Variants in CAPN1 observed in about 807,000 individuals in gnomAD.
CAPN1 encodes the protein calpain-1 catalytic subunit.
Under a neutral mutation model 105.2 loss-of-function variants are expected in CAPN1, and 77 were observed. The ratio of observed to expected loss-of-function variants is 0.73; its 90% CI spans 0.61 to 0.88. The LOEUF (loss-of-function observed/expected upper bound fraction) is 0.88, where lower values mean the gene tolerates loss of function less well. CAPN1 is among the 40% of genes least tolerant of loss of function. CAPN1 has a pLI of 0.00. For synonymous variants in CAPN1, 355 were observed against 388.8 expected (o/e 0.91, Z 1.02); for missense variants, 833 against 976.6 (o/e 0.85, Z 1.96).
At position 65,185,931 on chromosome 11, in the gene CAPN1, G is replaced by GGA; in HGVS notation, c.473_474dup (p.Trp159SerfsTer18). The GGA allele has an allele frequency of 1.9e-6, 3 of 1,585,164 alleles. No homozygotes were observed. Among genetic ancestry groups the GGA allele is most frequent in the Non-Finnish European group, 2.6e-6 (3 of 1,165,628 alleles). On this transcript the variant is annotated frameshift_variant, in exon 5 of 22. Transcript: ENST00000279247. LOFTEE classifies it high-confidence loss of function. The stretch of plus-strand genomic sequence containing the variant: ...CTCCCCCACAGCTGTGGCAATTTGG[G>GGA]GAGTGGGTGGACGTGGTCGTGGATG...
chr11:65,195,103 T>TTTTTTG (rs1565403890), intron 10 of CAPN1, among the ~76,000 whole-genome samples: 5 of 131,304 alleles, frequency 3.8e-5, no homozygotes, highest in Non-Finnish European at 4.7e-5. Flanking sequence ...TTTTGGGGTT[T>TTTTTTG]TTTTTTTTTT....
intron 10 of CAPN1, among the ~76,000 whole-genome samples, chr11:65,201,222 G>T (rs1240595453): frequency 2.0e-5 from 3 of 151,128 alleles, no homozygotes; most frequent in African/African-American, 7.3e-5. Context: ...GAGATTACAG[G>T]TGTGAGCCAC....
chr11:65,208,017 G>T lies in CAPN1; in HGVS notation c.1606-38G>T. The T allele has an allele frequency of 6.5e-7, 1 of 1,535,628 alleles. No individual in the cohort carries two copies. Among genetic ancestry groups the T allele is most frequent in the African/African-American group, 1.4e-5 (1 of 73,120 alleles). ...AGCTGCCTCCACACGGGCAGGGCCG[G>T]GGCCTCTCTTACCTGCTTTCTCCCC... On this transcript the variant is annotated intron_variant, in intron 14 of 21. Transcript: ENST00000279247. This position sits in a 1 kb window ranked among gnomAD's most constrained non-coding sequence, Gnocchi z 4.1.
chr11:65,192,574 T>G (rs1407671037), intron 10 of CAPN1, among the ~76,000 whole-genome samples: 3 of 152,296 alleles, frequency 2.0e-5, no homozygotes, highest in African/African-American at 7.2e-5. Flanking sequence ...TTGTTCAGAT[T>G]TTCTGTTTCT....
Position 65,209,536 on chromosome 11 carries a change from C to A in CAPN1, c.1794+149C>A. The A allele has an allele frequency of 1.4e-6, 1 of 724,428 alleles. No homozygotes were observed. The allele number at this position is 724,428 out of a possible 1,614,324, so 44.9% of individuals were successfully genotyped here. A position where few individuals can be genotyped will look rare whatever the true frequency, so the allele number is the denominator to read the frequency against. ...CCCCATGCTCAGATGTCTCCCTGGA[C>A]GTCTTCCTGTTGGTTGGGAGGGAGA... On this transcript the variant is annotated intron_variant, in intron 17 of 21. Coordinates refer to ENST00000279247, the MANE Select transcript of CAPN1 (RefSeq NM_005186.4). This position sits in a 1 kb window ranked among gnomAD's most constrained non-coding sequence, Gnocchi z 4.1.
In CAPN1 at chr11:65,208,804, T is replaced by G; in HGVS notation, c.1730-519T>G. 4.7e-6 allele frequency: 1 copy of G among 214,678 alleles called. No individual in the cohort carries two copies. The highest frequency in any genetic ancestry group is 9.4e-6 in the Non-Finnish European group (1 of 106,068). The allele number at this position is 214,678 out of a possible 1,614,324, so 13.3% of individuals were successfully genotyped here. A position where few individuals can be genotyped will look rare whatever the true frequency, so the allele number is the denominator to read the frequency against. On this transcript the variant is annotated intron_variant, in intron 16 of 21. Transcript: ENST00000279247. This position sits in a 1 kb window ranked among gnomAD's most constrained non-coding sequence, Gnocchi z 4.1. ...CAAAAAAAAAAGCAGGAGCAGCACC[T>G]TAGTGCCAAAGAAAAGTCTACCTTT...
chr11:65,183,026 G>T lies in CAPN1; in HGVS notation c.267+58G>T, dbSNP rs556363584. 4.4e-6 allele frequency: 7 copies of T among 1,608,518 alleles called. No individual in the cohort carries two copies. In the South Asian group the frequency reaches 7.7e-5, roughly 18 times the overall value. ...AAGCCAGATCCTGGATGAGGAGTAGGGATGGGACTCCATGTCCCTGGTGGG... is the reference window on the plus strand; with the variant it reads ...AAGCCAGATCCTGGATGAGGAGTAGTGATGGGACTCCATGTCCCTGGTGGG... On this transcript the variant is annotated intron_variant, in intron 2 of 21. Transcript: ENST00000279247.
intron 10 of CAPN1, among the ~76,000 whole-genome samples, chr11:65,201,263 T>A (rs1176788716): frequency 1.3e-5 from 2 of 151,764 alleles, no homozygotes; most frequent in African/African-American, 4.8e-5. Context: ...ATTTTCTTAC[T>A]TTTTGTAGTG....
chr11:65,201,580 C>CT, intron 10 of CAPN1, among the ~76,000 whole-genome samples: 1 of 151,096 alleles, frequency 6.6e-6, no homozygotes, highest in East Asian at 2.0e-4. Context: ...TGCAGTGGCG[C>CT]GATCTCGGCT....
At chr11:65,183,352 T>A (rs1948575647) in intron 3 of CAPN1, 122 bp from the exon 4 acceptor site, 2 of 1,103,254 alleles carry the variant, frequency 1.8e-6, no homozygotes, top group East Asian at 4.7e-5. Context: ...CTGGGTCTTT[T>A]CTGCAAGCTG....
intron 11 of CAPN1, 52 bp downstream of exon 11, chr11:65,204,910 C>G (rs1948931537): frequency 1.3e-6 from 2 of 1,505,850 alleles, no homozygotes; most frequent in African/African-American, 1.4e-5. Context: ...GAGGACCTGG[C>G]GCCCCCGACC....
intron 10 of CAPN1, among the ~76,000 whole-genome samples, chr11:65,204,363 A>G (rs1414838548): frequency 6.6e-6 from 1 of 151,952 alleles, no homozygotes; most frequent in African/African-American, 2.4e-5. Context: ...TCTGCTTCTC[A>G]GCAGCTTCCC....
In CAPN1 at chr11:65,210,236, C is replaced by T; in HGVS notation, c.1943-100C>T. Reference sequence around the variant, plus strand: ...GTCCTTTTCCCCACGGTTACTAGCACCCTGCCTAGCCCCAGCCCCCTCCTG... The same window carrying T: ...GTCCTTTTCCCCACGGTTACTAGCATCCTGCCTAGCCCCAGCCCCCTCCTG... On this transcript the variant is annotated intron_variant, in intron 19 of 21. Coordinates refer to ENST00000279247, the MANE Select transcript of CAPN1 (RefSeq NM_005186.4). The surrounding 1 kb of genome is among the most constrained non-coding windows in gnomAD (Gnocchi z 4.3). 8.9e-7 allele frequency: 1 copy of T among 1,119,028 alleles called. No individual in the cohort carries two copies. The highest frequency in any genetic ancestry group is 1.3e-5 in the South Asian group (1 of 77,180). The allele number at this position is 1,119,028 out of a possible 1,614,324, so 69.3% of individuals were successfully genotyped here.
In CAPN1 at chr11:65,210,169, T is replaced by A; in HGVS notation, c.1942+73T>A. On this transcript the variant is annotated intron_variant, in intron 19 of 21. Transcript: ENST00000279247. This position sits in a 1 kb window ranked among gnomAD's most constrained non-coding sequence, Gnocchi z 4.3. ...CCCACTGCTCCTATGCCCCAGGCCCTTGTCCCTGGGGTGCTAGTGGTGACA... is the reference window on the plus strand; with the variant it reads ...CCCACTGCTCCTATGCCCCAGGCCCATGTCCCTGGGGTGCTAGTGGTGACA... 1 of 1,338,392 alleles carries A rather than the reference T, an allele frequency of 7.5e-7. No individual in the cohort carries two copies. Among genetic ancestry groups the A allele is most frequent in the Non-Finnish European group, 1.1e-6 (1 of 931,906 alleles). 82.9% of individuals were successfully genotyped at this position (1,338,392 alleles called of 1,614,324 possible).
At position 65,208,256 on chromosome 11, in the gene CAPN1, A is replaced by G; in HGVS notation, c.1723A>G (p.Ser575Gly). The G allele has an allele frequency of 1.3e-6, 2 of 1,563,738 alleles. No homozygotes were observed. Among genetic ancestry groups the G allele is most frequent in the Non-Finnish European group, 1.7e-6 (2 of 1,154,002 alleles). The part of the protein sequence containing the change: ...ELRTILNRII[S>G]KHKDLRTKGF... ...GCGGACAATCCTCAATAGGATCATC[A>G]GCAAACGTGAGTCCCCGCGGGGCTG... The change falls in exon 16 of 22, where the codon AGC becomes GGC. Residue 575 changes from serine to glycine, a missense_variant. Ser to Gly is a moderately conservative substitution (Grantham distance 56, BLOSUM62 0). Coordinates refer to ENST00000279247, the MANE Select transcript of CAPN1 (RefSeq NM_005186.4). This position sits in a 1 kb window ranked among gnomAD's most constrained non-coding sequence, Gnocchi z 4.1.
chr11:65,211,492 TG>T lies in CAPN1; in HGVS notation c.*209del. On this transcript the variant is annotated 3_prime_UTR_variant, in exon 22 of 22. Transcript: ENST00000279247. ...GTGTGGCCCCTGCCTGTGCCAGCCA[TG>T]GGCTCGGGATGGACTCCCTGGGCCC... 5.0e-6 allele frequency: 3 copies of T among 598,944 alleles called. No homozygotes were observed. Among genetic ancestry groups the T allele is most frequent in the Non-Finnish European group, 9.1e-6 (3 of 330,464 alleles). 37.1% of individuals were successfully genotyped at this position (598,944 alleles called of 1,614,324 possible).
At chr11:65,187,061 G>A (rs1948644756) in intron 6 of CAPN1, among the ~76,000 whole-genome samples, 154 bp from the exon 7 acceptor site, 1 of 152,216 alleles carries the variant, frequency 6.6e-6, no homozygotes, top group African/African-American at 2.4e-5. Context: ...TCTATATGTG[G>A]GGGTGTCTAT....
Position 65,211,290 on chromosome 11 carries a change from A to G in CAPN1, c.*4A>G, listed in dbSNP as rs1406385240. On this transcript the variant is annotated 3_prime_UTR_variant, in exon 22 of 22. Coordinates refer to ENST00000279247, the MANE Select transcript of CAPN1 (RefSeq NM_005186.4). ...GCAGCTGACCATGTTTGCATGAGGC[A>G]GGGACTCGGTCCCCCTTGCCGTGCT... The G allele has an allele frequency of 6.2e-7, 1 of 1,612,416 alleles. No individual in the cohort carries two copies. Among genetic ancestry groups the G allele is most frequent in the South Asian group, 1.1e-5 (1 of 91,002 alleles).
intron 10 of CAPN1, among the ~76,000 whole-genome samples, chr11:65,191,668 G>A (rs777036392): frequency 1.1e-4 from 17 of 152,176 alleles, no homozygotes; most frequent in Admixed American, 6.5e-4. Context: ...GAGCCACTGC[G>A]TCCAGCCCTT....
Sources: allele counts gnomAD v4.1 joint callset (sites outside exome capture counted in the v4.1 genomes callset), GRCh38; gene constraint gnomAD v4.1.1; non-coding constraint Gnocchi (gnomAD v3.1); transcripts MANE v1.5; gene names NCBI Gene and HGNC (gene_info 2026-07-23, HGNC 2026-07-21).